ZBBX: variants seen among roughly 807,000 people sequenced by gnomAD.
ZBBX encodes zinc finger B-box domain containing.
ZBBX carries 101 observed loss-of-function variants against 108.5 expected under a neutral mutation model. The ratio of observed to expected loss-of-function variants is 0.93; its 90% CI spans 0.79 to 1.10. The LOEUF (loss-of-function observed/expected upper bound fraction) is 1.10. ZBBX is among the 50% of genes least tolerant of loss of function. ZBBX has a pLI of 0.00. For synonymous variants in ZBBX, 356 were observed against 323.4 expected (o/e 1.10, Z -1.08); for missense variants, 1,009 against 941.4 (o/e 1.07, Z -0.94).
At chr3:167,396,473 G>A (rs1251839898) in intron 1 of ZBBX, among the ~76,000 whole-genome samples, 2 of 151,956 alleles carry the variant, frequency 1.3e-5, no homozygotes, top group African/African-American at 4.8e-5. Flanking sequence ...GAAGTCTGCC[G>A]GCATTAGATT....
rs542470682 is a variant in ZBBX, at chr3:167,268,699, T to C, written c.2254+13539A>G. ...ACTTTGTCACTAAGAGTTGGCCAGA[T>C]ATTTCAAAGAAGATACAAAAATTAG... is the stretch of plus-strand genomic sequence containing the variant. On this transcript the variant is annotated intron_variant, in intron 20 of 21. Coordinates refer to ENST00000675490, the MANE Select transcript of ZBBX (RefSeq NM_001199201.2). Among the ~76,000 whole-genome samples, 70 of 152,300 alleles carry C rather than the reference T, an allele frequency of 4.6e-4. 1 individual carries two copies. Among genetic ancestry groups the C allele is most frequent in the African/African-American group, 1.6e-3 (67 of 41,570 alleles).
At chr3:167,199,471 C>T in the ZBBX span, among the ~76,000 whole-genome samples, 4 of 152,114 alleles carry the variant, frequency 2.6e-5, no homozygotes, top group Admixed American at 6.5e-5. Context: ...AACATACATA[C>T]GTGGAATTGT....
the ZBBX span, among the ~76,000 whole-genome samples, chr3:167,234,457 G>C: frequency 6.6e-6 from 1 of 151,864 alleles, no homozygotes; most frequent in Non-Finnish European, 1.5e-5. Context: ...AAAACTTGAA[G>C]CTGAATAATG....
downstream of ZBBX, among the ~76,000 whole-genome samples, chr3:167,237,720 C>T (rs1720288596): frequency 6.6e-6 from 1 of 151,930 alleles, no homozygotes; most frequent in African/African-American, 2.4e-5. Context: ...TACGCTGCCA[C>T]AGAGGAACCT....
the ZBBX span, among the ~76,000 whole-genome samples, chr3:167,195,359 A>T: frequency 6.6e-6 from 1 of 152,310 alleles, no homozygotes; most frequent in South Asian, 2.1e-4. Context: ...ACTTTTGAGT[A>T]ATTATAAACA....
chr3:167,188,543 A>C, the ZBBX span, among the ~76,000 whole-genome samples: 1 of 152,198 alleles, frequency 6.6e-6, no homozygotes, highest in Non-Finnish European at 1.5e-5. Context: ...ATAAGAAAAA[A>C]ATCTACAATG....
chr3:167,297,791 C>T (rs762391889), intron 18 of ZBBX, among the ~76,000 whole-genome samples: 5 of 151,886 alleles, frequency 3.3e-5, no homozygotes, highest in Non-Finnish European at 5.9e-5. Context: ...AGATGCTTAA[C>T]ATTATTAATC....
At chr3:167,236,258 TA>T (rs779919886), downstream of ZBBX, among the ~76,000 whole-genome samples, 83 of 151,892 alleles carry the variant, frequency 5.5e-4, no homozygotes, top group Middle Eastern at 0.034. Context: ...TCATTCAATC[TA>T]ATTATCCATC....
At chr3:167,235,531 T>C (rs1720199143), downstream of ZBBX, among the ~76,000 whole-genome samples, 1 of 151,424 alleles carries the variant, frequency 6.6e-6, no homozygotes, top group South Asian at 2.1e-4. Flanking sequence ...AATGTGAATA[T>C]ATATATATAT....
At chr3:167,306,508 T>G (rs1403438461) in intron 16 of ZBBX, among the ~76,000 whole-genome samples, 1 of 152,206 alleles carries the variant, frequency 6.6e-6, no homozygotes, top group East Asian at 1.9e-4. Flanking sequence ...CTGCTTTAAA[T>G]AAATCATTTG....
At chr3:167,269,469 C>T (rs1431285065) in intron 20 of ZBBX, among the ~76,000 whole-genome samples, 1 of 152,152 alleles carries the variant, frequency 6.6e-6, no homozygotes, top group Non-Finnish European at 1.5e-5. Context: ...TTCCTTGCCT[C>T]ATTAAATTTA....
At chr3:167,337,982 C>A (rs1330365765) in intron 9 of ZBBX, among the ~76,000 whole-genome samples, 1 of 152,004 alleles carries the variant, frequency 6.6e-6, no homozygotes, top group Non-Finnish European at 1.5e-5. Context: ...ACAATAGGAG[C>A]AGGAGGAGAC....
chr3:167,397,571 C>T (rs923887172), intron 1 of ZBBX, among the ~76,000 whole-genome samples: 2 of 151,704 alleles, frequency 1.3e-5, no homozygotes, highest in Non-Finnish European at 1.5e-5. Context: ...TGTTGACCAG[C>T]AAGAAGTCAG....
rs140642009 is a variant in ZBBX at position 167,402,460 on chromosome 3, T to C, written c.-446+5266A>G. Among the ~76,000 whole-genome samples the C allele has an allele frequency of 2.1e-3, 327 of 152,204 alleles. 2 individuals carry two copies. The highest frequency in any genetic ancestry group is 7.4e-3 in the African/African-American group (307 of 41,534). Reference sequence around the variant, plus strand: ...TTTAGCCAACAGATGAAAAAATAACTTGAAATTTCTTGGCAAAAAGAAAAT... The same window carrying C: ...TTTAGCCAACAGATGAAAAAATAACCTGAAATTTCTTGGCAAAAAGAAAAT... On this transcript the variant is annotated intron_variant, in intron 1 of 21. Coordinates refer to the ZBBX transcript ENST00000455345.
chr3:167,375,236 T>C (rs1199087503), intron 2 of ZBBX, among the ~76,000 whole-genome samples: 1 of 152,210 alleles, frequency 6.6e-6, no homozygotes, highest in African/African-American at 2.4e-5. Flanking sequence ...TATCTTATAT[T>C]TCAACGATGC....
chr3:167,252,209 A>G (rs1176302731), intron 20 of ZBBX: 5 of 1,288,754 alleles, frequency 3.9e-6, no homozygotes, highest in East Asian at 5.5e-5. Context: ...AAGTGGATGC[A>G]TCCTAGAAAT....
At chr3:167,370,384 T>C (rs1226025766) in intron 4 of ZBBX, among the ~76,000 whole-genome samples, 1 of 152,172 alleles carries the variant, frequency 6.6e-6, no homozygotes. Context: ...TGGTGTCTTT[T>C]CCTGAAACAG....
At chr3:167,337,194 A>G (rs1372758104) in intron 9 of ZBBX, among the ~76,000 whole-genome samples, 1 of 152,182 alleles carries the variant, frequency 6.6e-6, no homozygotes, top group Non-Finnish European at 1.5e-5. Flanking sequence ...CAATATAACT[A>G]TAGTTTAATT....
chr3:167,287,726 T>G (rs1729945712), intron 19 of ZBBX, among the ~76,000 whole-genome samples: 1 of 152,162 alleles, frequency 6.6e-6, no homozygotes, highest in African/African-American at 2.4e-5. Flanking sequence ...TCTTTCTGAT[T>G]GCCTCAGAGG....
Sources: gnomAD v4.1 joint callset for allele counts (sites outside exome capture counted in the v4.1 genomes callset) on GRCh38, gnomAD v4.1.1 for gene constraint, MANE v1.5 for transcripts, NCBI Gene and HGNC (gene_info 2026-07-23, HGNC 2026-07-21) for gene names.